The following PCDHA5 variants were observed in gnomAD, a reference collection of about 807,000 sequenced individuals.
PCDHA5 encodes the protein protocadherin alpha 5, also known as protocadherin alpha-5.
In PCDHA5, 43 loss-of-function variants were observed where a neutral mutation model predicts 61.6. The observed-to-expected ratio is 0.70, with a 90% CI of 0.55 to 0.90. PCDHA5 has a LOEUF of 0.90. PCDHA5 is among the 40% of genes least tolerant of loss of function. PCDHA5 has a pLI of 0.00. For missense variants in PCDHA5, 1,298 were observed against 1,222.7 expected (o/e 1.06, Z -0.92); for synonymous variants, 627 against 543.9 (o/e 1.15, Z -2.13).
intron 1 of PCDHA5, chr5:140,870,012 C>T (rs2051581500): frequency 6.2e-7 from 1 of 1,613,354 alleles, no homozygotes; most frequent in African/African-American, 1.3e-5. Context: ...AAGTGAGGGT[C>T]AATGGAACTT....
chr5:140,882,136 A>T (rs2058967821), intron 1 of PCDHA5: 14 of 1,486,890 alleles, frequency 9.4e-6, no homozygotes, highest in Non-Finnish European at 1.3e-5. Context: ...TCCTGCAGAA[A>T]ATATAGCAGA....
chr5:140,834,326 A>T, intron 1 of PCDHA5: 1 of 1,449,926 alleles, frequency 6.9e-7, no homozygotes, highest in Non-Finnish European at 9.4e-7. Context: ...GGATAAAAAC[A>T]TTCCTATAAA....
intron 1 of PCDHA5, chr5:140,967,136 C>T (rs782698899): frequency 6.8e-6 from 11 of 1,611,568 alleles, no homozygotes; most frequent in Non-Finnish European, 9.3e-6. Context: ...CTTGGAAGTG[C>T]TGGCGCACAA....
chr5:140,971,123 G>A (rs1305525231), intron 1 of PCDHA5, among the ~76,000 whole-genome samples: 1 of 152,182 alleles, frequency 6.6e-6, no homozygotes, highest in Non-Finnish European at 1.5e-5. Context: ...GTGGGCTACA[G>A]GTGGTGAAGA....
chr5:140,870,107 T>C, intron 1 of PCDHA5: 1 of 1,613,786 alleles, frequency 6.2e-7, no homozygotes, highest in Admixed American at 1.7e-5. Flanking sequence ...CACTGTACAG[T>C]CTGGGTGGAA....
chr5:140,976,267 T>C (rs115616483), intron 1 of PCDHA5, among the ~76,000 whole-genome samples: 1,952 of 152,234 alleles, frequency 0.013, 51 homozygotes, highest in African/African-American at 0.045. Flanking sequence ...ACACAGACTT[T>C]TGGCAAGGCA....
Position 140,949,482 on chromosome 5 carries a change from A to G in PCDHA5, c.2353-29467A>G, listed in dbSNP as rs1435722195. Among the ~76,000 whole-genome samples, 4 of 151,834 alleles carry G rather than the reference A, an allele frequency of 2.6e-5. No homozygotes were observed. The South Asian group carries it at 8.3e-4, about 31-fold the overall frequency. ...TGAAGCCCTGTTATTAGGCACACACATTGATGATTATTATAATTTCCTGAT... is the reference window on the plus strand; with the variant it reads ...TGAAGCCCTGTTATTAGGCACACACGTTGATGATTATTATAATTTCCTGAT... On this transcript the variant is annotated intron_variant, in intron 1 of 3. Transcript: ENST00000529859.
intron 1 of PCDHA5, among the ~76,000 whole-genome samples, chr5:140,871,905 G>A (rs1457249186): frequency 6.6e-6 from 1 of 152,124 alleles, no homozygotes; most frequent in Non-Finnish European, 1.5e-5. Flanking sequence ...GCAGAGTTTT[G>A]CCTTGATATT....
chr5:140,876,370 G>A, intron 1 of PCDHA5: 1 of 1,613,946 alleles, frequency 6.2e-7, no homozygotes, highest in Non-Finnish European at 8.5e-7. Flanking sequence ...TCCAGACACA[G>A]GTGAAATTAG....
At chr5:140,900,049 A>T (rs2067710838) in intron 1 of PCDHA5, among the ~76,000 whole-genome samples, 1 of 152,044 alleles carries the variant, frequency 6.6e-6, no homozygotes, top group Non-Finnish European at 1.5e-5. Flanking sequence ...GGCTCAAGTG[A>T]TCCTTTAACC....
At chr5:140,878,837 A>G (rs6885420) in intron 1 of PCDHA5, among the ~76,000 whole-genome samples, 4 of 152,334 alleles carry the variant, frequency 2.6e-5, no homozygotes, top group Admixed American at 2.6e-4. Context: ...AGGCTGGACT[A>G]GAACTTCTGG....
Position 140,884,013 on chromosome 5 carries a change from C to T in PCDHA5, c.2352+59886C>T, listed in dbSNP as rs148971741. The T allele has an allele frequency of 5.1e-5, 82 of 1,613,132 alleles. No homozygotes were observed. The African/African-American group carries it at 9.2e-4, about 18-fold the overall frequency. On this transcript the variant is annotated intron_variant, in intron 1 of 3. Transcript: ENST00000529859. ...GGAGGCACAGTGAGCGAGCTGATGC[C>T]GCGGTCGGTGGGTGCAGGCCACGTG...
At chr5:140,864,048 T>G (rs1053633631) in intron 1 of PCDHA5, 9 of 152,932 alleles carry the variant, frequency 5.9e-5, no homozygotes, top group African/African-American at 2.2e-4. Flanking sequence ...CACTTTTTAC[T>G]ACAGTCACCA....
intron 1 of PCDHA5, among the ~76,000 whole-genome samples, chr5:140,844,413 A>C (rs1581068328): frequency 6.7e-6 from 1 of 149,462 alleles, no homozygotes; most frequent in South Asian, 2.1e-4. Flanking sequence ...ATTTGGAGAC[A>C]TGTTTTTTAT....
rs2098421039 is a variant in PCDHA5, at chr5:141,011,549, G to GA, written c.*1615dup. 1 of 153,674 alleles carries GA rather than the reference G, an allele frequency of 6.5e-6. No individual in the cohort carries two copies. The highest frequency in any genetic ancestry group is 1.5e-5 in the Non-Finnish European group (1 of 68,008). The allele number at this position is 153,674 out of a possible 1,614,324, so 9.5% of individuals were successfully genotyped here. A position where few individuals can be genotyped will look rare whatever the true frequency, so the allele number is the denominator to read the frequency against. Reference sequence around the variant, plus strand: ...CCATTGTTAATCAGCTTTTGTGTATGAAAGACACAGTAAAATTTCTTTCTT... The same window carrying GA: ...CCATTGTTAATCAGCTTTTGTGTATGAAAAGACACAGTAAAATTTCTTTCTT... On this transcript the variant is annotated 3_prime_UTR_variant, in exon 4 of 4. Coordinates refer to ENST00000529859, the MANE Select transcript of PCDHA5 (RefSeq NM_018908.3).
At chr5:140,937,906 C>T (rs1235683629) in intron 1 of PCDHA5, among the ~76,000 whole-genome samples, 6 of 130,108 alleles carry the variant, frequency 4.6e-5, no homozygotes, top group African/African-American at 6.4e-5. Context: ...AGTGAGACTC[C>T]GTCTCAAAAA....
chr5:140,892,993 C>T (rs2063771968), intron 1 of PCDHA5, among the ~76,000 whole-genome samples: 1 of 152,170 alleles, frequency 6.6e-6, no homozygotes, highest in Non-Finnish European at 1.5e-5. Flanking sequence ...TAAGTGAGAA[C>T]ATGTATTTAT....
Position 140,842,921 on chromosome 5 carries a change from C to T in PCDHA5, c.2352+18794C>T. 5 of 1,594,348 alleles carry T rather than the reference C, an allele frequency of 3.1e-6. 1 individual carries two copies. Among genetic ancestry groups the T allele is most frequent in the Non-Finnish European group, 4.3e-6 (5 of 1,165,382 alleles). On this transcript the variant is annotated intron_variant, in intron 1 of 3. Transcript: ENST00000529859. The stretch of plus-strand genomic sequence containing the variant: ...CGAGGAGCTAGAGCTGCTGCAGTTC[C>T]AGGTGAGCGCGCGCGACGCGGGCGT...
intron 3 of PCDHA5, among the ~76,000 whole-genome samples, chr5:140,990,473 C>G (rs1268910696): frequency 6.6e-6 from 1 of 152,186 alleles, no homozygotes; most frequent in Non-Finnish European, 1.5e-5. Flanking sequence ...TATCATGTAT[C>G]AAGCTGAATA....
Sources: allele counts gnomAD v4.1 joint callset (sites outside exome capture counted in the v4.1 genomes callset), GRCh38; gene constraint gnomAD v4.1.1; transcripts MANE v1.5; gene names NCBI Gene and HGNC (gene_info 2026-07-23, HGNC 2026-07-21).